Variants in NREP observed in about 807,000 individuals in gnomAD.
The protein encoded by NREP is neuronal regeneration related protein.
A neutral mutation model predicts 8.6 loss-of-function variants in NREP; 5 were observed. The observed-to-expected ratio is 0.58, with a 90% CI of 0.30 to 1.22. The LOEUF is 1.22. Ranked by LOEUF, NREP falls within the 50% of genes most tolerant of loss-of-function variation. NREP has a pLI of 0.07. For missense variants in NREP, 86 were observed against 82.5 expected, an observed-to-expected ratio of 1.04 and a Z score of -0.17; for synonymous variants, 27 against 28.0, an observed-to-expected ratio of 0.96 and a Z score of 0.11.
chr5:111,885,933 C>T (rs1021529087), intron 2 of NREP, among the ~76,000 whole-genome samples: 8 of 152,118 alleles, frequency 5.3e-5, no homozygotes, highest in African/African-American at 1.2e-4. Flanking sequence ...ATGTCTAAAA[C>T]ACCAAAAGCA....
intron 2 of NREP, among the ~76,000 whole-genome samples, chr5:111,784,298 G>A (rs370230803): frequency 2.0e-5 from 3 of 152,268 alleles, no homozygotes; most frequent in Admixed American, 6.5e-5. Flanking sequence ...CTGTGGGTAT[G>A]CCTGTGTAGA....
intron 2 of NREP, among the ~76,000 whole-genome samples, chr5:111,917,379 TA>T (rs1755092308): frequency 6.6e-6 from 1 of 152,134 alleles, no homozygotes; most frequent in South Asian, 2.1e-4. Context: ...ATCATCCTGA[TA>T]CCAAAACCTG....
At position 111,857,048 on chromosome 5, in the gene NREP, C is replaced by G. The variant is rs115934448; in HGVS notation, c.135+118226G>C. The stretch of plus-strand genomic sequence containing the variant: ...AGATTTTTATGTTTATAGAAACATG[C>G]TAAATATTGCTGCATAATGACAAAA... On this transcript the variant is annotated intron_variant, in intron 2 of 3. Transcript: ENST00000395634. Among the ~76,000 whole-genome samples, 423 of 152,258 alleles carry G rather than the reference C, an allele frequency of 2.8e-3. 2 individuals are homozygous for G. Among genetic ancestry groups the G allele is most frequent in the African/African-American group, 9.3e-3 (386 of 41,548 alleles).
At chr5:111,795,662 G>A (rs895630574) in intron 2 of NREP, among the ~76,000 whole-genome samples, 1 of 151,968 alleles carries the variant, frequency 6.6e-6, no homozygotes, top group African/African-American at 2.4e-5. Flanking sequence ...TTTTGTTTAA[G>A]AACCTATTCA....
chr5:111,738,181 A>C (rs1186402581), intron 2 of NREP: 2 of 152,148 alleles, frequency 1.3e-5, no homozygotes, highest in Non-Finnish European at 2.9e-5. Flanking sequence ...AACAAATATG[A>C]TCTATCTGCA....
At chr5:111,972,512 T>G (rs551380499) in intron 2 of NREP, among the ~76,000 whole-genome samples, 2 of 152,212 alleles carry the variant, frequency 1.3e-5, no homozygotes, top group African/African-American at 4.8e-5. Context: ...TATTTTTTAA[T>G]TATTTACTGA....
chr5:111,736,816 G>A (rs1477391110), intron 2 of NREP, among the ~76,000 whole-genome samples: 1 of 152,170 alleles, frequency 6.6e-6, no homozygotes, highest in African/African-American at 2.4e-5. Context: ...TGAAGAAATT[G>A]AAACTCAAAA....
At chr5:111,762,285 T>A (rs1750977277), upstream of NREP, among the ~76,000 whole-genome samples, 1 of 152,078 alleles carries the variant, frequency 6.6e-6, no homozygotes, top group Non-Finnish European at 1.5e-5. Context: ...AAGAAAAGTG[T>A]CTATGGGAGG....
At chr5:111,880,730 CTT>C (rs140190021) in intron 2 of NREP, among the ~76,000 whole-genome samples, 6,240 of 91,694 alleles carry the variant, frequency 0.068, 198 homozygotes, top group East Asian at 0.19. Flanking sequence ...GAACATAAGC[CTT>C]TTTTTTTTTT....
intron 2 of NREP, among the ~76,000 whole-genome samples, chr5:111,754,887 T>C (rs1345430930): frequency 1.3e-5 from 2 of 152,176 alleles, no homozygotes; most frequent in South Asian, 2.1e-4. Flanking sequence ...AATTCCACCC[T>C]CGTTTCAAAG....
intron 2 of NREP, among the ~76,000 whole-genome samples, chr5:111,875,533 T>A (rs1581181389): frequency 6.6e-6 from 1 of 152,222 alleles, no homozygotes; most frequent in African/African-American, 2.4e-5. Flanking sequence ...CTCTGCCAGA[T>A]AAAATTTCTT....
intron 2 of NREP, among the ~76,000 whole-genome samples, chr5:111,898,586 T>C (rs547599906): frequency 1.1e-4 from 16 of 152,234 alleles, no homozygotes; most frequent in Non-Finnish European, 1.5e-4. Context: ...AGACAGGAAT[T>C]TGGGGATCAG....
chr5:111,899,103 TG>T (rs571396187), intron 2 of NREP, among the ~76,000 whole-genome samples: 59 of 152,204 alleles, frequency 3.9e-4, no homozygotes, highest in Non-Finnish European at 6.8e-4. Context: ...GTGCTATATC[TG>T]GAAGCAAAGG....
chr5:111,926,814 G>A (rs1178613789), intron 2 of NREP, among the ~76,000 whole-genome samples: 1 of 151,714 alleles, frequency 6.6e-6, no homozygotes, highest in Non-Finnish European at 1.5e-5. Flanking sequence ...TCCTTCCTTT[G>A]TTCCCTGAGC....
At chr5:111,853,195 A>G (rs1753350638) in intron 2 of NREP, among the ~76,000 whole-genome samples, 1 of 152,122 alleles carries the variant, frequency 6.6e-6, no homozygotes, top group Non-Finnish European at 1.5e-5. Context: ...GCAAAACTAT[A>G]TAGACAGTAG....
At chr5:111,931,002 A>G (rs752338537) in intron 2 of NREP, among the ~76,000 whole-genome samples, 1 of 152,148 alleles carries the variant, frequency 6.6e-6, no homozygotes, top group African/African-American at 2.4e-5. Flanking sequence ...GCCTGAGTAT[A>G]CAGCTAAGAC....
intron 2 of NREP, among the ~76,000 whole-genome samples, chr5:111,844,895 T>C (rs1184072419): frequency 6.6e-6 from 1 of 151,372 alleles, no homozygotes; most frequent in Admixed American, 6.6e-5. Flanking sequence ...AGCAACCTAG[T>C]GATTGATATA....
At chr5:111,904,924 C>G (rs925549068) in intron 2 of NREP, among the ~76,000 whole-genome samples, 1 of 152,068 alleles carries the variant, frequency 6.6e-6, no homozygotes, top group East Asian at 1.9e-4. Flanking sequence ...TCCAAGTTAA[C>G]CTCTGTTTCG....
chr5:111,967,687 G>C lies in NREP; in HGVS notation c.135+7587C>G, dbSNP rs188885588. ...TCTGCCCAGCTGCCGCCCCATCTGG[G>C]ATGTGAGGATCGCCTCTGCCCGGCC... On this transcript the variant is annotated intron_variant, in intron 2 of 3. Transcript: ENST00000395634. 1.9e-3 allele frequency among the ~76,000 whole-genome samples: 287 copies of C among 151,796 alleles called. 1 individual carries two copies. The highest frequency in any genetic ancestry group is 6.5e-3 in the African/African-American group (269 of 41,398).
Sources: allele counts gnomAD v4.1 joint callset (sites outside exome capture counted in the v4.1 genomes callset), GRCh38; gene constraint gnomAD v4.1.1; transcripts MANE v1.5; gene names NCBI Gene and HGNC (gene_info 2026-07-23, HGNC 2026-07-21).